RSPH9: variants seen among roughly 807,000 people sequenced by gnomAD.
The protein encoded by RSPH9 is radial spoke head protein 9 homolog.
RSPH9 carries 27 observed loss-of-function variants against 27.0 expected under a neutral mutation model. The observed-to-expected ratio is 1.00, with a 90% CI of 0.74 to 1.38. RSPH9 has a LOEUF of 1.38. Among genes scored for constraint, RSPH9 ranks in the 40% most tolerant of loss-of-function variants. The probability of loss-of-function intolerance (pLI) is 0.00; values close to 1 mark genes in which losing one functional copy is unlikely to be tolerated. For synonymous variants in RSPH9, 145 were observed against 147.7 expected, an observed-to-expected ratio of 0.98 and a Z score of 0.13; for missense variants, 347 against 357.4, an observed-to-expected ratio of 0.97 and a Z score of 0.24.
chr6:43,668,029 A>T lies in RSPH9; in HGVS notation c.671-2760A>T, dbSNP rs1170106213. 2.6e-5 allele frequency among the ~76,000 whole-genome samples: 4 copies of T among 152,030 alleles called. No individual in the cohort carries two copies. The East Asian group carries it at 7.7e-4, about 29-fold the overall frequency. On this transcript the variant is annotated intron_variant, in intron 4 of 4. Transcript: ENST00000372163. ...GGAAACCCAGGAGGAACCCCTCCTG[A>T]TTTACCAACCTGTACCCATCACATC...
At position 43,672,195 on chromosome 6, in the gene RSPH9, GA is replaced by G; in HGVS notation, c.*1250del. The G allele has an allele frequency of 2.0e-6, 1 of 507,852 alleles. No individual in the cohort carries two copies. The highest frequency in any genetic ancestry group is 3.7e-6 in the Non-Finnish European group (1 of 268,954). 31.5% of individuals were successfully genotyped at this position (507,852 alleles called of 1,614,324 possible). ...TCAATGTTGGTGTGTGTTTGCTGAG[GA>G]AAAGGTGGCGAAGAGGCTGCCTGAA... On this transcript the variant is annotated 3_prime_UTR_variant, in exon 5 of 5. Transcript: ENST00000372163.
At chr6:43,648,915 G>C (rs1233499547) in intron 1 of RSPH9, among the ~76,000 whole-genome samples, 1 of 152,182 alleles carries the variant, frequency 6.6e-6, no homozygotes, top group Non-Finnish European at 1.5e-5. Flanking sequence ...AGAGGAAATA[G>C]AACTGGAGAT....
intron 4 of RSPH9, 136 bp downstream of exon 4, chr6:43,656,859 T>C: frequency 2.1e-6 from 2 of 931,592 alleles, no homozygotes; most frequent in Non-Finnish European, 3.5e-6. Flanking sequence ...TTTTTGAGGG[T>C]GGAGCTTCCC....
intron 1 of RSPH9, among the ~76,000 whole-genome samples, chr6:43,646,824 C>T (rs1055116873): frequency 1.3e-5 from 2 of 151,562 alleles, no homozygotes; most frequent in African/African-American, 4.8e-5. Context: ...GGCGTGGTGG[C>T]GGGCGCCTGT....
intron 2 of RSPH9, among the ~76,000 whole-genome samples, chr6:43,654,654 C>G (rs1771824097): frequency 6.6e-6 from 1 of 152,090 alleles, no homozygotes; most frequent in South Asian, 2.1e-4. Context: ...GAAACTCTGT[C>G]TCTACTAAAA....
intron 4 of RSPH9, among the ~76,000 whole-genome samples, chr6:43,659,806 C>T (rs1394831029): frequency 6.6e-6 from 1 of 151,774 alleles, no homozygotes; most frequent in African/African-American, 2.4e-5. Flanking sequence ...CATCTCGGCT[C>T]ACTGCAAGCT....
chr6:43,671,634 T>C lies in RSPH9; in HGVS notation c.*685T>C. 1.8e-6 allele frequency: 2 copies of C among 1,083,186 alleles called. No individual in the cohort carries two copies. The highest frequency in any genetic ancestry group is 2.7e-6 in the Non-Finnish European group (2 of 730,004). The allele number at this position is 1,083,186 out of a possible 1,614,324, so 67.1% of individuals were successfully genotyped here. ...AGTTAGTCCCACTGTCCCCTGTCCATGCATGTTGGAGGGACCAGGCCATCG... is the reference window on the plus strand; with the variant it reads ...AGTTAGTCCCACTGTCCCCTGTCCACGCATGTTGGAGGGACCAGGCCATCG... On this transcript the variant is annotated 3_prime_UTR_variant, in exon 5 of 5. Transcript: ENST00000372163.
intron 4 of RSPH9, among the ~76,000 whole-genome samples, chr6:43,659,506 CTGAG>C (rs1359658784): frequency 1.3e-5 from 2 of 151,736 alleles, no homozygotes; most frequent in South Asian, 2.1e-4. Context: ...CCTCAGCCTC[CTGAG>C]TATCTGGGAC....
chr6:43,658,311 GAA>G (rs1272673497), intron 4 of RSPH9, among the ~76,000 whole-genome samples: 3 of 101,106 alleles, frequency 3.0e-5, no homozygotes, highest in Non-Finnish European at 4.2e-5. Context: ...AAAAAAAAAA[GAA>G]AAAAAAAAAA....
chr6:43,672,000 T>G lies in RSPH9; in HGVS notation c.*1051T>G, dbSNP rs911284093. ...ACTACCTCCTCAGGCCAGGCCACGG[T>G]TGGGCAAGCAAATCCTTTCACCAGT... On this transcript the variant is annotated 3_prime_UTR_variant, in exon 5 of 5. Transcript: ENST00000372163. The G allele has an allele frequency of 2.2e-6, 3 of 1,381,484 alleles. No homozygotes were observed. The highest frequency in any genetic ancestry group is 2.9e-6 in the Non-Finnish European group (3 of 1,038,736). 85.6% of individuals were successfully genotyped at this position (1,381,484 alleles called of 1,614,324 possible).
intron 2 of RSPH9, 95 bp from the exon 3 acceptor site, chr6:43,655,467 C>T: frequency 7.3e-7 from 1 of 1,375,934 alleles, no homozygotes; most frequent in Non-Finnish European, 1.0e-6. Flanking sequence ...CACTACACTG[C>T]AGTGGTGCGG....
intron 4 of RSPH9, among the ~76,000 whole-genome samples, chr6:43,658,538 C>T (rs1203624005): frequency 2.0e-5 from 3 of 151,996 alleles, no homozygotes; most frequent in African/African-American, 7.2e-5. Context: ...GACCCTTCAG[C>T]GAATCATAAT....
intron 3 of RSPH9, among the ~76,000 whole-genome samples, chr6:43,656,235 T>C (rs552597363): frequency 2.0e-5 from 3 of 152,082 alleles, no homozygotes; most frequent in African/African-American, 7.2e-5. Context: ...ACAGACACCC[T>C]CTACCACGCT....
At chr6:43,663,682 T>G (rs545133714) in intron 4 of RSPH9, among the ~76,000 whole-genome samples, 17 of 152,156 alleles carry the variant, frequency 1.1e-4, no homozygotes, top group Non-Finnish European at 2.4e-4. Flanking sequence ...AACAATATCA[T>G]AGTAACATCA....
chr6:43,655,381 TAAAA>T (rs957106593), intron 2 of RSPH9, among the ~76,000 whole-genome samples, 177 bp from the exon 3 acceptor site: 1 of 152,114 alleles, frequency 6.6e-6, no homozygotes, highest in Non-Finnish European at 1.5e-5. Flanking sequence ...AAAAAACAAA[TAAAA>T]AGAAAGGAAG....
In RSPH9 at chr6:43,645,234, TTC is replaced by T; in HGVS notation, c.138_139del (p.Phe46LeufsTer19). On this transcript the variant is annotated frameshift_variant, in exon 1 of 5. Coordinates refer to ENST00000372163, the MANE Select transcript of RSPH9 (RefSeq NM_152732.5). LOFTEE classifies it high-confidence loss of function. ...KRDYRYDRVLFWGRILGLVAD... is the reference protein window; with the variant it reads ...KRDYRYDRVLXWGRILGLVAD... Reference sequence around the variant, plus strand: ...CGACTACCGCTATGATCGGGTTCTCTTCTGGGGCCGCATCCTTGGCCTCGTCG... The same window carrying T: ...CGACTACCGCTATGATCGGGTTCTCTTGGGGCCGCATCCTTGGCCTCGTCG... The T allele has an allele frequency of 6.2e-7, 1 of 1,614,086 alleles. No individual in the cohort carries two copies. Among genetic ancestry groups the T allele is most frequent in the Non-Finnish European group, 8.5e-7 (1 of 1,180,016 alleles).
At chr6:43,668,688 C>T (rs1561945951) in intron 4 of RSPH9, among the ~76,000 whole-genome samples, 1 of 152,206 alleles carries the variant, frequency 6.6e-6, no homozygotes, top group Non-Finnish European at 1.5e-5. Context: ...CAACAATGAA[C>T]TGACAAGGGT....
intron 4 of RSPH9, among the ~76,000 whole-genome samples, chr6:43,660,619 A>G (rs1021000012): frequency 2.6e-5 from 4 of 151,854 alleles, no homozygotes; most frequent in Non-Finnish European, 4.4e-5. Context: ...GCCCATCACC[A>G]CACCCAGCTA....
At position 43,671,638 on chromosome 6, in the gene RSPH9, T is replaced by G; in HGVS notation, c.*689T>G. The G allele has an allele frequency of 8.9e-7, 1 of 1,122,684 alleles. No individual in the cohort carries two copies. Among genetic ancestry groups the G allele is most frequent in the Non-Finnish European group, 1.3e-6 (1 of 760,038 alleles). 69.5% of individuals were successfully genotyped at this position (1,122,684 alleles called of 1,614,324 possible). On this transcript the variant is annotated 3_prime_UTR_variant, in exon 5 of 5. Transcript: ENST00000372163. Reference sequence around the variant, plus strand: ...AGTCCCACTGTCCCCTGTCCATGCATGTTGGAGGGACCAGGCCATCGTGGT... The same window carrying G: ...AGTCCCACTGTCCCCTGTCCATGCAGGTTGGAGGGACCAGGCCATCGTGGT...
Sources: allele counts gnomAD v4.1 joint callset (sites outside exome capture counted in the v4.1 genomes callset), GRCh38; gene constraint gnomAD v4.1.1; transcripts MANE v1.5; gene names NCBI Gene and HGNC (gene_info 2026-07-23, HGNC 2026-07-21).